Variants in RBFOX1 observed in about 807,000 individuals in gnomAD.
The protein encoded by RBFOX1 is RNA binding fox-1 homolog 1.
Under a neutral mutation model 57.7 loss-of-function variants are expected in RBFOX1, and 8 were observed. The ratio of observed to expected loss-of-function variants is 0.14; its 90% CI spans 0.08 to 0.25. The LOEUF is 0.25. RBFOX1 is among the 10% of genes least tolerant of loss of function. The pLI, the probability that RBFOX1 is intolerant of heterozygous loss-of-function variation, is 1.00. For synonymous variants in RBFOX1, 326 were observed against 222.4 expected (o/e 1.47, Z -4.15); for missense variants, 611 against 548.5 (o/e 1.11, Z -1.14).
rs571362810 is a variant in RBFOX1 at position 5,946,183 on chromosome 16, C to T, written c.351+78848C>T. 1.5e-4 allele frequency among the ~76,000 whole-genome samples: 23 copies of T among 152,316 alleles called. No individual in the cohort carries two copies. Among genetic ancestry groups the T allele is most frequent in the Middle Eastern group, 3.4e-3 (1 of 294 alleles). The stretch of plus-strand genomic sequence containing the variant: ...CAGGATGTGATGGAAAGTGCACAGA[C>T]GGCCCGAGGTGGGGGCCAGGCTCTG... On this transcript the variant is annotated intron_variant, in intron 4 of 19. Transcript: ENST00000641259. The surrounding 1 kb of genome is among the most constrained non-coding windows in gnomAD (Gnocchi z 4.6).
At chr16:7,415,035 C>G (rs529556699) in intron 4 of RBFOX1, among the ~76,000 whole-genome samples, 1 of 152,214 alleles carries the variant, frequency 6.6e-6, no homozygotes, top group Non-Finnish European at 1.5e-5. Context: ...AAAGATGGCT[C>G]TTTCTATACT....
At chr16:5,631,542 C>T (rs953792029) in intron 3 of RBFOX1, among the ~76,000 whole-genome samples, 56 of 150,702 alleles carry the variant, frequency 3.7e-4, no homozygotes, top group Admixed American at 2.3e-3. Context: ...GGTGACAGAC[C>T]GAGACTCCAT....
At chr16:5,693,373 A>AAG (rs1258194632) in intron 3 of RBFOX1, among the ~76,000 whole-genome samples, 1 of 151,812 alleles carries the variant, frequency 6.6e-6, no homozygotes, top group African/African-American at 2.4e-5. Flanking sequence ...AGATCAAAAA[A>AAG]AAAACAAAAA....
intron 4 of RBFOX1, among the ~76,000 whole-genome samples, chr16:7,143,197 G>A (rs2074216583): frequency 6.6e-6 from 1 of 152,042 alleles, no homozygotes; most frequent in Non-Finnish European, 1.5e-5. Flanking sequence ...ATCTGATTCA[G>A]GGTGATATTT....
chr16:7,028,527 C>T (rs567717477), intron 3 of RBFOX1, among the ~76,000 whole-genome samples: 2 of 133,540 alleles, frequency 1.5e-5, no homozygotes, highest in African/African-American at 5.7e-5. Flanking sequence ...GCGGAGGTTG[C>T]AGTGAGCTGA....
At chr16:7,160,961 A>T (rs1269655299) in intron 4 of RBFOX1, among the ~76,000 whole-genome samples, 3 of 152,174 alleles carry the variant, frequency 2.0e-5, no homozygotes, top group Non-Finnish European at 2.9e-5. Flanking sequence ...ATCAGCGACA[A>T]ACCTTCAATG....
chr16:7,328,495 A>AG (rs1450872793), intron 4 of RBFOX1, among the ~76,000 whole-genome samples: 2 of 151,134 alleles, frequency 1.3e-5, no homozygotes, highest in Non-Finnish European at 3.0e-5. Context: ...AAAAAAAAAA[A>AG]AAAAAGAAGA....
At position 7,483,616 on chromosome 16, in the gene RBFOX1, A is replaced by G. The variant is rs556633763; in HGVS notation, c.28-34531A>G. On this transcript the variant is annotated intron_variant, in intron 4 of 15. Coordinates refer to ENST00000550418, the MANE Select transcript of RBFOX1 (RefSeq NM_018723.4). Reference sequence around the variant, plus strand: ...AGGATACAGATAGGACAGTGTTCTTATTGGGGTGGCTGATAATAGAATAAT... The same window carrying G: ...AGGATACAGATAGGACAGTGTTCTTGTTGGGGTGGCTGATAATAGAATAAT... 5.3e-5 allele frequency among the ~76,000 whole-genome samples: 8 copies of G among 152,278 alleles called. No homozygotes were observed. The South Asian group carries it at 1.7e-3, about 32-fold the overall frequency.
At chr16:5,469,681 G>A (rs1197685588) in intron 2 of RBFOX1, among the ~76,000 whole-genome samples, 1 of 151,910 alleles carries the variant, frequency 6.6e-6, no homozygotes, top group South Asian at 2.1e-4. Flanking sequence ...TCCATCCCCA[G>A]CCCCTGACAA....
chr16:5,672,011 A>T lies in RBFOX1; in HGVS notation c.318+73050A>T, dbSNP rs1361159000. 2.0e-5 allele frequency among the ~76,000 whole-genome samples: 3 copies of T among 152,278 alleles called. No individual in the cohort carries two copies. In the East Asian group the frequency reaches 5.8e-4, roughly 29 times the overall value. On this transcript the variant is annotated intron_variant, in intron 3 of 19. Transcript: ENST00000641259. The stretch of plus-strand genomic sequence containing the variant: ...CTATGTTCTTCAGGTAACCCAGTTA[A>T]ATGGGTGGAGAGATTTGCATCTTTG...
chr16:6,206,986 C>CTTTT (rs35769347), intron 1 of RBFOX1, among the ~76,000 whole-genome samples: 6 of 145,934 alleles, frequency 4.1e-5, no homozygotes, highest in African/African-American at 1.3e-4. Flanking sequence ...CAGAAAGCTA[C>CTTTT]TTTTTTTTTT....
At chr16:7,003,407 C>T (rs940810336) in intron 3 of RBFOX1, among the ~76,000 whole-genome samples, 6 of 150,684 alleles carry the variant, frequency 4.0e-5, no homozygotes, top group Middle Eastern at 3.4e-3. Context: ...TTGCACTGAG[C>T]AGAGATTGCG....
At chr16:5,276,017 C>T (rs200309597) in intron 1 of RBFOX1, among the ~76,000 whole-genome samples, 1 of 152,002 alleles carries the variant, frequency 6.6e-6, no homozygotes, top group African/African-American at 2.4e-5. Flanking sequence ...CATCTCTCAC[C>T]TTATACAAAA....
chr16:7,217,728 C>G (rs1235431966), intron 4 of RBFOX1, among the ~76,000 whole-genome samples: 1 of 152,082 alleles, frequency 6.6e-6, no homozygotes, highest in African/African-American at 2.4e-5. Flanking sequence ...TGAGAAAAAG[C>G]TTTATTTACA....
chr16:7,523,980 C>T (rs1232728052), intron 5 of RBFOX1, among the ~76,000 whole-genome samples: 2 of 152,118 alleles, frequency 1.3e-5, no homozygotes, highest in African/African-American at 4.8e-5. Context: ...TATGGTTCTC[C>T]CCACCCTATA....
intron 3 of RBFOX1, among the ~76,000 whole-genome samples, chr16:6,986,988 C>T (rs960251031): frequency 6.6e-6 from 1 of 152,110 alleles, no homozygotes; most frequent in African/African-American, 2.4e-5. Context: ...ATTGTGTTTG[C>T]CAGGGTTTGT....
chr16:6,881,987 G>T (rs1603636095), intron 3 of RBFOX1, among the ~76,000 whole-genome samples: 1 of 152,114 alleles, frequency 6.6e-6, no homozygotes, highest in African/African-American at 2.4e-5. Flanking sequence ...ACATAAAGGA[G>T]AAATTTTTTT....
chr16:7,445,365 G>A (rs2098800107), intron 4 of RBFOX1, among the ~76,000 whole-genome samples: 1 of 152,144 alleles, frequency 6.6e-6, no homozygotes, highest in South Asian at 2.1e-4. Flanking sequence ...GGAGGCCCAT[G>A]GGTCTCCAGT....
At chr16:6,241,714 A>G (rs756735259) in intron 1 of RBFOX1, among the ~76,000 whole-genome samples, 1 of 152,222 alleles carries the variant, frequency 6.6e-6, no homozygotes, top group Non-Finnish European at 1.5e-5. Flanking sequence ...CAAACAATCA[A>G]CACCAATCAA....
Sources: allele counts gnomAD v4.1 joint callset (sites outside exome capture counted in the v4.1 genomes callset), GRCh38; gene constraint gnomAD v4.1.1; non-coding constraint Gnocchi (gnomAD v3.1); transcripts MANE v1.5; gene names NCBI Gene and HGNC (gene_info 2026-07-23, HGNC 2026-07-21).